Variants in STX18 observed in about 807,000 individuals in gnomAD.
The protein encoded by STX18 is syntaxin 18.
STX18 carries 40 observed loss-of-function variants against 50.1 expected under a neutral mutation model. The observed-to-expected ratio is 0.80, with a 90% CI of 0.62 to 1.04. The LOEUF (loss-of-function observed/expected upper bound fraction) is 1.04, where lower values mean the gene tolerates loss of function less well. Among genes scored for constraint, STX18 ranks in the 50% least tolerant of loss-of-function variants. STX18 has a pLI of 0.00. For synonymous variants in STX18, 158 were observed against 151.8 expected (o/e 1.04, Z -0.30); for missense variants, 410 against 415.8 (o/e 0.99, Z 0.12).
chr4:4,510,635 C>T (rs1729954328), intron 1 of STX18, among the ~76,000 whole-genome samples: 1 of 152,112 alleles, frequency 6.6e-6, no homozygotes, highest in Non-Finnish European at 1.5e-5. Context: ...CCATTTGACC[C>T]AGCAATCCCA....
In STX18 at chr4:4,440,595, A is replaced by G. The variant is rs192683510; in HGVS notation, c.498-2086T>C. On this transcript the variant is annotated intron_variant, in intron 5 of 10. Coordinates refer to ENST00000306200, the MANE Select transcript of STX18 (RefSeq NM_016930.4). Reference sequence around the variant, plus strand: ...CAAAGCTAGAAAGGTGTTTCACTATATAAGTTTTCAGAGCCTTTAATATGC... The same window carrying G: ...CAAAGCTAGAAAGGTGTTTCACTATGTAAGTTTTCAGAGCCTTTAATATGC... 3.3e-5 allele frequency among the ~76,000 whole-genome samples: 5 copies of G among 152,358 alleles called. No homozygotes were observed. In the East Asian group the frequency reaches 7.7e-4, roughly 23 times the overall value.
intron 3 of STX18, 77 bp downstream of exon 3, chr4:4,459,295 T>C: frequency 1.0e-6 from 1 of 996,274 alleles, no homozygotes; most frequent in Non-Finnish European, 1.6e-6. Flanking sequence ...GAATTTTAAC[T>C]GGCCGCACCA....
intron 1 of STX18, among the ~76,000 whole-genome samples, chr4:4,497,835 A>T (rs1367836086): frequency 6.6e-6 from 1 of 152,348 alleles, no homozygotes; most frequent in East Asian, 1.9e-4. Context: ...TTCCTGAGAT[A>T]TATCAACTGT....
intron 1 of STX18, among the ~76,000 whole-genome samples, chr4:4,540,167 A>C (rs1243876009): frequency 6.6e-5 from 10 of 152,176 alleles, no homozygotes; most frequent in African/African-American, 2.2e-4. Context: ...GAAAAAAAGG[A>C]CCATTTACAG....
intron 6 of STX18, among the ~76,000 whole-genome samples, chr4:4,435,689 C>G (rs1333321228): frequency 6.6e-6 from 1 of 152,174 alleles, no homozygotes; most frequent in African/African-American, 2.4e-5. Flanking sequence ...CCGGTCTGTG[C>G]TATGTGCACA....
intron 1 of STX18, among the ~76,000 whole-genome samples, chr4:4,532,044 T>C (rs1731119132): frequency 6.6e-6 from 1 of 152,152 alleles, no homozygotes; most frequent in African/African-American, 2.4e-5. Flanking sequence ...AATAAACTGG[T>C]GGTAAGAGCA....
At position 4,440,866 on chromosome 4, in the gene STX18, C is replaced by T. The variant is rs577441250; in HGVS notation, c.498-2357G>A. ...CAGTGAGATTTATTACTGATCACTG[C>T]TTCTGGGGTCAGGAATTTGGGAACA... On this transcript the variant is annotated intron_variant, in intron 5 of 10. Transcript: ENST00000306200. Among the ~76,000 whole-genome samples, 24 of 152,318 alleles carry T rather than the reference C, an allele frequency of 1.6e-4. No individual in the cohort carries two copies. The East Asian group carries it at 3.9e-3, about 24-fold the overall frequency.
At chr4:4,477,624 G>A (rs546705758) in intron 1 of STX18, among the ~76,000 whole-genome samples, 1 of 152,244 alleles carries the variant, frequency 6.6e-6, no homozygotes, top group African/African-American at 2.4e-5. Context: ...ATTTCCTCAG[G>A]GACATGTGGG....
At chr4:4,427,136 C>A (rs543133812) in intron 7 of STX18, among the ~76,000 whole-genome samples, 3 of 152,202 alleles carry the variant, frequency 2.0e-5, no homozygotes, top group Non-Finnish European at 4.4e-5. Context: ...CTGAGCCCAG[C>A]CCAGGGCCTC....
intron 1 of STX18, among the ~76,000 whole-genome samples, chr4:4,541,135 C>T (rs1731567887): frequency 6.6e-6 from 1 of 152,294 alleles, no homozygotes; most frequent in Non-Finnish European, 1.5e-5. Flanking sequence ...CTAAGCAATG[C>T]TATGAGTCAT....
chr4:4,437,725 A>C (rs1446205431), intron 6 of STX18: 1 of 604,190 alleles, frequency 1.7e-6, no homozygotes, highest in Non-Finnish European at 2.1e-6. Flanking sequence ...TGTGATTCAC[A>C]CAAAGAACCC....
chr4:4,451,457 C>T lies in STX18; in HGVS notation c.497+5734G>A, dbSNP rs181733229. Among the ~76,000 whole-genome samples the T allele has an allele frequency of 6.6e-5, 10 of 152,326 alleles. 1 individual carries two copies. The highest frequency in any genetic ancestry group is 6.5e-4 in the Admixed American group (10 of 15,302). ...GCTTTATTGCACTCTGCAGATATTG[C>T]ATTTTTTGTTTGTTTTTACAAATGG... On this transcript the variant is annotated intron_variant, in intron 5 of 10. Coordinates refer to ENST00000306200, the MANE Select transcript of STX18 (RefSeq NM_016930.4).
At chr4:4,499,656 G>A in intron 1 of STX18, 1 of 404,500 alleles carries the variant, frequency 2.5e-6, no homozygotes, top group African/African-American at 2.2e-5. Context: ...AACCAGGTGA[G>A]AACAGGAACT....
chr4:4,459,278 GAA>G lies in STX18; in HGVS notation c.352+92_352+93del, dbSNP rs1727251813. The stretch of plus-strand genomic sequence containing the variant: ...CGTTTTAAAACCTAAATCGAAATAA[GAA>G]GAGGGAATTTTAACTGGCCGCACCA... On this transcript the variant is annotated intron_variant, in intron 3 of 10. Transcript: ENST00000306200. 5 of 859,174 alleles carry G rather than the reference GAA, an allele frequency of 5.8e-6. No homozygotes were observed. In the East Asian group the frequency reaches 9.7e-5, roughly 17 times the overall value. The allele number at this position is 859,174 out of a possible 1,614,324, so 53.2% of individuals were successfully genotyped here.
chr4:4,506,120 T>C (rs926615485), intron 1 of STX18, among the ~76,000 whole-genome samples: 2 of 152,234 alleles, frequency 1.3e-5, no homozygotes, highest in African/African-American at 4.8e-5. Context: ...GATGCCGCTA[T>C]GAACATTTGT....
rs749540078 is a variant in STX18, at chr4:4,541,968, G to T, written c.-4C>A. The T allele has an allele frequency of 1.9e-6, 3 of 1,599,792 alleles. No individual in the cohort carries two copies. The highest frequency in any genetic ancestry group is 1.1e-5 in the South Asian group (1 of 89,156). ...GCAGCGTGATGTCCACCGCCATAGC[G>T]ACCCGCACCCTCAGCCCCACACTAG... On this transcript the variant is annotated 5_prime_UTR_variant, in exon 1 of 11. Transcript: ENST00000306200.
Position 4,419,906 on chromosome 4 carries a change from A to C in STX18, c.*128T>G, listed in dbSNP as rs988915545. ...TTGGGGAATACGTCTGTCTGTCTGA[A>C]CTCCTTTCCCTTCAAATGGCACTGT... On this transcript the variant is annotated 3_prime_UTR_variant, in exon 11 of 11. Transcript: ENST00000306200. 3.9e-6 allele frequency: 3 copies of C among 766,330 alleles called. No individual in the cohort carries two copies. Among genetic ancestry groups the C allele is most frequent in the Non-Finnish European group, 6.4e-6 (3 of 468,342 alleles). 47.5% of individuals were successfully genotyped at this position (766,330 alleles called of 1,614,324 possible).
intron 7 of STX18, among the ~76,000 whole-genome samples, chr4:4,433,761 T>C (rs181745222): frequency 6.3e-4 from 96 of 152,124 alleles, no homozygotes; most frequent in African/African-American, 2.2e-3. Context: ...GAGCTTGAAA[T>C]TTCAGGTGGC....
chr4:4,537,442 A>G (rs1731395254), intron 1 of STX18, among the ~76,000 whole-genome samples: 1 of 152,152 alleles, frequency 6.6e-6, no homozygotes, highest in Non-Finnish European at 1.5e-5. Context: ...CCACAGATTG[A>G]GGTGGACATA....
Sources: allele counts gnomAD v4.1 joint callset (sites outside exome capture counted in the v4.1 genomes callset), GRCh38; gene constraint gnomAD v4.1.1; transcripts MANE v1.5; gene names NCBI Gene and HGNC (gene_info 2026-07-23, HGNC 2026-07-21).